Variants in SDK1 observed in about 807,000 individuals in gnomAD.
SDK1 encodes the protein sidekick cell adhesion molecule 1.
SDK1 carries 157 observed loss-of-function variants against 245.5 expected under a neutral mutation model. The ratio of observed to expected loss-of-function variants is 0.64; its 90% confidence interval spans 0.56 to 0.73. SDK1 has a LOEUF of 0.73. Ranked by LOEUF, SDK1 falls within the 30% of genes least tolerant of loss-of-function variation. The probability of loss-of-function intolerance (pLI) is 0.00; values close to 1 mark genes in which losing one functional copy is unlikely to be tolerated. For missense variants in SDK1, 3,583 were observed against 3,002.3 expected (o/e 1.19, Z -4.52); for synonymous variants, 1,647 against 1,278.5 (o/e 1.29, Z -6.15).
chr7:3,568,298 T>C (rs1274700744), intron 1 of SDK1, among the ~76,000 whole-genome samples: 3 of 152,202 alleles, frequency 2.0e-5, no homozygotes, highest in South Asian at 2.1e-4. Flanking sequence ...GTAACTGATA[T>C]ACTCTAATGT....
chr7:4,136,233 C>T (rs993715041), intron 28 of SDK1, among the ~76,000 whole-genome samples: 5 of 152,116 alleles, frequency 3.3e-5, no homozygotes, highest in African/African-American at 9.7e-5. Flanking sequence ...GCATGTTGTC[C>T]GGGTAACCTG....
intron 44 of SDK1, among the ~76,000 whole-genome samples, chr7:4,255,924 T>C (rs1482829991): frequency 1.4e-5 from 2 of 147,014 alleles, no homozygotes; most frequent in African/African-American, 5.1e-5. Context: ...CTTTTTTTTT[T>C]TTTTTTTTTT....
chr7:3,380,871 C>G (rs776067151), intron 1 of SDK1, among the ~76,000 whole-genome samples: 1 of 152,102 alleles, frequency 6.6e-6, no homozygotes, highest in African/African-American at 2.4e-5. Context: ...ATTAGACTTC[C>G]GTTTATATTT....
intron 1 of SDK1, among the ~76,000 whole-genome samples, chr7:3,510,521 G>C (rs1782545495): frequency 6.6e-6 from 1 of 152,120 alleles, no homozygotes; most frequent in African/African-American, 2.4e-5. Context: ...GGAGCCCTCA[G>C]AATGAAGACC....
intron 4 of SDK1, among the ~76,000 whole-genome samples, chr7:3,739,995 C>G (rs954715794): frequency 1.3e-5 from 2 of 152,204 alleles, no homozygotes; most frequent in African/African-American, 4.8e-5. Context: ...TGTTTAGCCT[C>G]TGAAGTCTCT....
At chr7:3,638,782 A>C (rs1346403340) in intron 2 of SDK1, among the ~76,000 whole-genome samples, 2 of 151,672 alleles carry the variant, frequency 1.3e-5, no homozygotes, top group Non-Finnish European at 2.9e-5. Context: ...CTTAAAGTAT[A>C]ATAATAATAA....
chr7:3,610,697 A>G (rs1781558839), intron 1 of SDK1, among the ~76,000 whole-genome samples: 1 of 152,258 alleles, frequency 6.6e-6, no homozygotes, highest in Non-Finnish European at 1.5e-5. Context: ...AAAATATTGG[A>G]AGGGTAGGTT....
At chr7:4,040,063 A>G (rs6462549) in intron 17 of SDK1, among the ~76,000 whole-genome samples, 47,557 of 151,872 alleles carry the variant, frequency 0.31, 11,646 homozygotes, top group African/African-American at 0.69. Flanking sequence ...TTTTTGCAGC[A>G]AAAAAGCTTT....
intron 1 of SDK1, among the ~76,000 whole-genome samples, chr7:3,575,571 T>C (rs1376198052): frequency 3.9e-5 from 6 of 151,998 alleles, no homozygotes; most frequent in Admixed American, 3.9e-4. Flanking sequence ...TGCTTTTTGC[T>C]GGGTTTTGAT....
chr7:4,035,809 A>G (rs1788166074), intron 17 of SDK1, among the ~76,000 whole-genome samples: 1 of 152,216 alleles, frequency 6.6e-6, no homozygotes, highest in South Asian at 2.1e-4. Context: ...ACGGTATGCT[A>G]TCAACTATCA....
chr7:3,716,452 T>C (rs535200468), intron 4 of SDK1, among the ~76,000 whole-genome samples: 1 of 152,198 alleles, frequency 6.6e-6, no homozygotes, highest in Admixed American at 6.5e-5. Context: ...AAAAATATCA[T>C]TCAAGTATGA....
chr7:3,382,540 G>C (rs987739969), intron 1 of SDK1, among the ~76,000 whole-genome samples: 1 of 152,126 alleles, frequency 6.6e-6, no homozygotes, highest in Admixed American at 6.5e-5. Context: ...TTGGTGCCAG[G>C]CATTGCCCTA....
In SDK1 at chr7:3,974,543, G is replaced by A; in HGVS notation, c.1992G>A (p.Val664=). 6.2e-7 allele frequency: 1 copy of A among 1,614,078 alleles called. No homozygotes were observed. The highest frequency in any genetic ancestry group is 8.5e-7 in the Non-Finnish European group (1 of 1,179,992). Residue 664 remains valine, a splice_region_variant and synonymous_variant, in exon 13 of 45, where the codon GTG becomes GTA. Coordinates refer to ENST00000404826, the MANE Select transcript of SDK1 (RefSeq NM_152744.4). ...GNDSRMARLE[V]IELPHSPQNL... Reference sequence around the variant, plus strand: ...ACTCCAGGATGGCCCGGCTGGAAGTGATGTGAGTACTGAGACGTTTGGTGT... The same window carrying A: ...ACTCCAGGATGGCCCGGCTGGAAGTAATGTGAGTACTGAGACGTTTGGTGT...
intron 4 of SDK1, among the ~76,000 whole-genome samples, chr7:3,676,873 A>G (rs1783919769): frequency 6.6e-6 from 1 of 152,024 alleles, no homozygotes; most frequent in African/African-American, 2.4e-5. Flanking sequence ...CTGTGTGTCT[A>G]CTTTTGTATT....
At chr7:3,607,012 C>A (rs1410949483) in intron 1 of SDK1, among the ~76,000 whole-genome samples, 1 of 152,094 alleles carries the variant, frequency 6.6e-6, no homozygotes, top group Non-Finnish European at 1.5e-5. Context: ...CATTGATTTG[C>A]TGTTTTGATA....
rs138555477 is a variant in SDK1, at chr7:4,221,356, G to A, written c.5819G>A (p.Arg1940Gln). ...TPTTGYVIEA[R>Q]PSDEGLWDMF... The stretch of plus-strand genomic sequence containing the variant: ...ACCACGGGCTATGTGATCGAGGCCC[G>A]GCCCTCAGGTAGGGTGGCAGGCCCC... The change falls in exon 40 of 45, where the codon CGG becomes CAG. Residue 1940 changes from arginine (R) to glutamine (Q), a missense_variant. Arg to Gln is a conservative substitution (Grantham distance 43). Coordinates refer to ENST00000404826, the MANE Select transcript of SDK1 (RefSeq NM_152744.4). The A allele has an allele frequency of 8.7e-6, 14 of 1,607,558 alleles. No individual in the cohort carries two copies. The highest frequency in any genetic ancestry group is 2.7e-5 in the African/African-American group (2 of 74,896).
At chr7:3,638,936 T>A in intron 2 of SDK1, 68 bp from the exon 3 acceptor site, 1 of 901,288 alleles carries the variant, frequency 1.1e-6, no homozygotes, top group South Asian at 1.7e-5. Flanking sequence ...TAAAATAGCA[T>A]CTGATGGTTA....
rs561474724 is a variant in SDK1, at chr7:3,706,663, A to G, written c.713+64558A>G. ...GTGATCCACCCACTTTGGCCTCCCA[A>G]AGTGCTGGGATTATAGGCGTGAGCC... On this transcript the variant is annotated intron_variant, in intron 4 of 44. Coordinates refer to ENST00000404826, the MANE Select transcript of SDK1 (RefSeq NM_152744.4). Among the ~76,000 whole-genome samples, 21 of 152,256 alleles carry G rather than the reference A, an allele frequency of 1.4e-4. No homozygotes were observed. In the South Asian group the frequency reaches 3.3e-3, roughly 24 times the overall value.
At chr7:3,317,591 C>CT (rs1779696031) in intron 1 of SDK1, among the ~76,000 whole-genome samples, 1 of 152,076 alleles carries the variant, frequency 6.6e-6, no homozygotes. Context: ...CATTGACTAT[C>CT]TTTAAGTGGC....
Sources: gnomAD v4.1 joint callset for allele counts (sites outside exome capture counted in the v4.1 genomes callset) on GRCh38, gnomAD v4.1.1 for gene constraint, MANE v1.5 for transcripts, NCBI Gene and HGNC (gene_info 2026-07-23, HGNC 2026-07-21) for gene names.